FOXP2: variants seen among roughly 807,000 people sequenced by gnomAD.
FOXP2 encodes forkhead box protein P2.
In FOXP2, 12 loss-of-function variants were observed where a neutral mutation model predicts 115.8. The ratio of observed to expected loss-of-function variants is 0.10; its 90% CI spans 0.07 to 0.17. The LOEUF is 0.17. Ranked by LOEUF, FOXP2 falls within the 10% of genes least tolerant of loss-of-function variation. The pLI is 1.00. For missense variants in FOXP2, 629 were observed against 843.5 expected (o/e 0.75, Z 3.15); for synonymous variants, 328 against 297.7 (o/e 1.10, Z -1.05).
intron 1 of FOXP2, among the ~76,000 whole-genome samples, chr7:114,146,166 T>TTA (rs924941180): frequency 2.0e-5 from 3 of 152,180 alleles, no homozygotes; most frequent in African/African-American, 7.2e-5. Flanking sequence ...CCATGTAAAC[T>TTA]TACTGTTAGC....
intron 2 of FOXP2, among the ~76,000 whole-genome samples, chr7:114,463,508 G>A (rs895571019): frequency 6.6e-6 from 1 of 152,178 alleles, no homozygotes; most frequent in Admixed American, 6.5e-5. Context: ...TGGCAAACAT[G>A]TTGAACAGTG....
chr7:114,569,739 G>T (rs1248810429), intron 3 of FOXP2, among the ~76,000 whole-genome samples: 1 of 151,870 alleles, frequency 6.6e-6, no homozygotes, highest in Non-Finnish European at 1.5e-5. Flanking sequence ...TTTCCTGTTT[G>T]AATTAATGTT....
At position 114,257,761 on chromosome 7, in the gene FOXP2, A is replaced by T. The variant is rs139086276; in HGVS notation, c.-101-30258A>T. 8.5e-5 allele frequency among the ~76,000 whole-genome samples: 13 copies of T among 152,224 alleles called. No individual in the cohort carries two copies. The East Asian group carries it at 2.5e-3, about 29-fold the overall frequency. Reference sequence around the variant, plus strand: ...AGCCACCGTGCCCGGCCATAAAGTCATTTTTAAGCAGAGGCATGAAGGAAG... The same window carrying T: ...AGCCACCGTGCCCGGCCATAAAGTCTTTTTTAAGCAGAGGCATGAAGGAAG... On this transcript the variant is annotated intron_variant, in intron 1 of 17. Coordinates refer to the FOXP2 transcript ENST00000634411.
At chr7:114,674,208 A>G (rs1807641369) in intron 16 of FOXP2, among the ~76,000 whole-genome samples, 1 of 152,196 alleles carries the variant, frequency 6.6e-6, no homozygotes, top group Non-Finnish European at 1.5e-5. Context: ...AGGGAGGATA[A>G]CATTTTTATC....
chr7:114,353,279 T>C (rs1181306914), intron 2 of FOXP2, among the ~76,000 whole-genome samples: 1 of 151,236 alleles, frequency 6.6e-6, no homozygotes, highest in Non-Finnish European at 1.5e-5. Flanking sequence ...TTCCACAAAC[T>C]TTTCCTCCGA....
intron 1 of FOXP2, among the ~76,000 whole-genome samples, chr7:114,218,424 A>G (rs1454211071): frequency 1.3e-5 from 2 of 152,150 alleles, no homozygotes; most frequent in African/African-American, 4.8e-5. Flanking sequence ...AGCAGCAGTA[A>G]TTACAAGGCA....
chr7:114,608,845 A>T (rs905348902), intron 3 of FOXP2, among the ~76,000 whole-genome samples: 9 of 152,214 alleles, frequency 5.9e-5, no homozygotes, highest in Non-Finnish European at 1.3e-4. Context: ...AAAAAGAGTC[A>T]TTCTGGCAAA....
intron 1 of FOXP2, among the ~76,000 whole-genome samples, chr7:114,199,340 T>G (rs1176953907): frequency 6.6e-6 from 1 of 152,196 alleles, no homozygotes; most frequent in Non-Finnish European, 1.5e-5. Context: ...TTTTAATGTA[T>G]TTTGTAACCT....
intron 13 of FOXP2, 60 bp from the exon 14 acceptor site, chr7:114,662,005 G>T: frequency 6.3e-7 from 1 of 1,594,592 alleles, no homozygotes; most frequent in Non-Finnish European, 8.6e-7. Context: ...GTAGTATGTT[G>T]GGCTGCCTTA....
intron 3 of FOXP2, among the ~76,000 whole-genome samples, chr7:114,590,373 T>C (rs1802382916): frequency 6.6e-6 from 1 of 152,200 alleles, no homozygotes; most frequent in Non-Finnish European, 1.5e-5. Context: ...TAACGTGCAC[T>C]GCAGCAACTT....
intron 1 of FOXP2, among the ~76,000 whole-genome samples, chr7:114,149,714 C>T (rs968825079): frequency 5.9e-5 from 9 of 151,894 alleles, no homozygotes; most frequent in South Asian, 4.1e-4. Flanking sequence ...GTGAAACCTT[C>T]GACTTAATTG....
intron 3 of FOXP2, among the ~76,000 whole-genome samples, chr7:114,578,870 CCA>C (rs1413716871): frequency 6.6e-6 from 1 of 152,004 alleles, no homozygotes; most frequent in East Asian, 1.9e-4. Flanking sequence ...TTGTGAAATT[CCA>C]GACTGTAGAT....
rs1191856382 is a variant in FOXP2 at position 114,145,431 on chromosome 7, T to TTTTTCCCTTTTCTTTTC, written c.-246-17508_-246-17507insCCTTTTCTTTTCTTTTC. Among the ~76,000 whole-genome samples the TTTTTCCCTTTTCTTTTC allele has an allele frequency of 1.8e-3, 185 of 100,496 alleles. 2 individuals carry two copies. The highest frequency in any genetic ancestry group is 2.7e-3 in the Non-Finnish European group (124 of 46,490). 65.9% of individuals were successfully genotyped at this position (100,496 alleles called of 152,430 possible). ...TATTTTAAAATAGTAGCTTTGCCAT[T>TTTTTCCCTTTTCTTTTC]TTTTCTTTTCTTTTCTTTTCTTTTC... On this transcript the variant is annotated intron_variant, in intron 1 of 19. Transcript: ENST00000635638.
At chr7:114,449,657 A>G (rs1794986424) in intron 2 of FOXP2, among the ~76,000 whole-genome samples, 1 of 152,090 alleles carries the variant, frequency 6.6e-6, no homozygotes, top group Non-Finnish European at 1.5e-5. Flanking sequence ...CATAGAATGC[A>G]TAGTTTTAGT....
chr7:114,467,865 T>C (rs1795879783), intron 2 of FOXP2, among the ~76,000 whole-genome samples: 1 of 152,206 alleles, frequency 6.6e-6, no homozygotes, highest in Non-Finnish European at 1.5e-5. Flanking sequence ...GGGATCTCTC[T>C]ACTCTGGGTT....
chr7:114,133,662 T>A (rs1007864115), intron 1 of FOXP2, among the ~76,000 whole-genome samples: 1 of 152,136 alleles, frequency 6.6e-6, no homozygotes, highest in African/African-American at 2.4e-5. Flanking sequence ...GTGGGAAGTG[T>A]TTGTGTTATT....
At chr7:114,314,335 G>A (rs1369312669) in intron 2 of FOXP2, among the ~76,000 whole-genome samples, 1 of 151,434 alleles carries the variant, frequency 6.6e-6, no homozygotes, top group Non-Finnish European at 1.5e-5. Flanking sequence ...AGCTGTGTTT[G>A]GTAAAATTTC....
At chr7:114,662,497 T>C (rs1356698253) in intron 14 of FOXP2, among the ~76,000 whole-genome samples, 1 of 152,072 alleles carries the variant, frequency 6.6e-6, no homozygotes, top group Non-Finnish European at 1.5e-5. Context: ...CCTGTTTTTA[T>C]ACAATACAGT....
At chr7:114,674,886 TTTAA>T (rs1244013537) in intron 16 of FOXP2, among the ~76,000 whole-genome samples, 2 of 152,156 alleles carry the variant, frequency 1.3e-5, no homozygotes, top group South Asian at 2.1e-4. Context: ...TATAATTAAC[TTTAA>T]TTACTCACAT....
Sources: gnomAD v4.1 joint callset for allele counts (sites outside exome capture counted in the v4.1 genomes callset) on GRCh38, gnomAD v4.1.1 for gene constraint, MANE v1.5 for transcripts, NCBI Gene and HGNC (gene_info 2026-07-23, HGNC 2026-07-21) for gene names.